The following DNAJC5G variants were observed in gnomAD, a reference collection of about 807,000 sequenced individuals.
DNAJC5G encodes dnaJ homolog subfamily C member 5G.
Under a neutral mutation model 19.1 loss-of-function variants are expected in DNAJC5G, and 13 were observed. That is an observed-to-expected ratio of 0.68 (90% CI 0.44 to 1.08). DNAJC5G has a LOEUF of 1.08. DNAJC5G is among the 50% of genes least tolerant of loss of function. The probability of loss-of-function intolerance (pLI) is 0.00; values close to 1 mark genes in which losing one functional copy is unlikely to be tolerated. For synonymous variants in DNAJC5G, 81 were observed against 84.4 expected (o/e 0.96, Z 0.22); for missense variants, 245 against 230.4 (o/e 1.06, Z -0.41).
At chr2:27,277,712 A>G (rs1043542218) in intron 3 of DNAJC5G, 42 bp from the exon 4 acceptor site, 13 of 1,610,538 alleles carry the variant, frequency 8.1e-6, no homozygotes, top group Non-Finnish European at 1.1e-5. Context: ...TGCACTCTCT[A>G]GAGACTAATC....
Position 27,280,847 on chromosome 2 carries a change from G to A in DNAJC5G, c.*437G>A, listed in dbSNP as rs963843517. 2 of 152,568 alleles carry A rather than the reference G, an allele frequency of 1.3e-5. No individual in the cohort carries two copies. Among genetic ancestry groups the A allele is most frequent in the African/African-American group, 2.4e-5 (1 of 41,398 alleles). The allele number at this position is 152,568 out of a possible 1,614,324, so 9.5% of individuals were successfully genotyped here. ...CAAGAGCCTGATAACTGAGCAGGGT[G>A]GATCCTGTCCCTGGAGCTGCTGCAC... On this transcript the variant is annotated 3_prime_UTR_variant, in exon 7 of 7. Transcript: ENST00000296097.
intron 3 of DNAJC5G, 116 bp downstream of exon 3, chr2:27,276,957 C>T (rs1475114374): frequency 1.1e-5 from 9 of 836,012 alleles, no homozygotes; most frequent in Admixed American, 9.6e-5. Flanking sequence ...GAGGAAGTCT[C>T]GTCCTGTCAC....
At chr2:27,278,512 C>T (rs538127510) in intron 5 of DNAJC5G, among the ~76,000 whole-genome samples, 180 bp downstream of exon 5, 44 of 151,116 alleles carry the variant, frequency 2.9e-4, no homozygotes, top group Non-Finnish European at 2.9e-4. Flanking sequence ...AAAACCCTGT[C>T]TCTACTAAAA....
intron 1 of DNAJC5G, 188 bp downstream of exon 1, chr2:27,275,741 T>C (rs556661439): frequency 6.3e-6 from 1 of 159,712 alleles, no homozygotes. Context: ...CTCTTCCTTC[T>C]CCAGCCTCTG....
chr2:27,278,683 C>CAAAAAAAAAAAA (rs1180058010), intron 5 of DNAJC5G, among the ~76,000 whole-genome samples: 1 of 26,730 alleles, frequency 3.7e-5, no homozygotes, highest in African/African-American at 1.4e-4. Context: ...GACTCCATCT[C>CAAAAAAAAAAAA]AAAAAAAAAA....
In DNAJC5G at chr2:27,276,114, C is replaced by G. The variant is rs914827183; in HGVS notation, c.-277C>G. 6.6e-6 allele frequency: 1 copy of G among 152,120 alleles called. No homozygotes were observed. 9.4% of individuals were successfully genotyped at this position (152,120 alleles called of 1,614,324 possible). On this transcript the variant is annotated 5_prime_UTR_variant, in exon 2 of 7. Transcript: ENST00000296097. ...CTCTACTAAAAACACAGAAAATTAG[C>G]CGGGCGTGGTGGCGTGCACCTGTAA...
At position 27,276,619 on chromosome 2, in the gene DNAJC5G, TA is replaced by T. The variant is rs565024612; in HGVS notation, c.-3-106del. ...TTATCCTTGTCCTTCTGTCATCGTT[TA>T]CCTGCCTAATCCCTGAAGGTAGTGA... On this transcript the variant is annotated intron_variant, in intron 2 of 6. Transcript: ENST00000296097. 2.5e-4 allele frequency: 223 copies of T among 884,328 alleles called. No individual in the cohort carries two copies. In the African/African-American group the frequency reaches 3.1e-3, roughly 12 times the overall value. 54.8% of individuals were successfully genotyped at this position (884,328 alleles called of 1,614,324 possible). A position where few individuals can be genotyped will look rare whatever the true frequency, so the allele number is the denominator to read the frequency against.
At chr2:27,276,997 A>G (rs558664740) in intron 3 of DNAJC5G, among the ~76,000 whole-genome samples, 156 bp downstream of exon 3, 2 of 147,450 alleles carry the variant, frequency 1.4e-5, no homozygotes, top group Admixed American at 6.9e-5. Flanking sequence ...TTGAGAGTGC[A>G]GTGGCACGAT....
At chr2:27,277,133 G>A (rs775969502) in intron 3 of DNAJC5G, among the ~76,000 whole-genome samples, 2 of 151,986 alleles carry the variant, frequency 1.3e-5, no homozygotes. Context: ...GTAGAGACAG[G>A]GTTTCGCCAT....
rs748485922 is a variant in DNAJC5G at position 27,278,292 on chromosome 2, A to C, written c.480A>C (p.Arg160Ser). The change falls in exon 5 of 7, where the codon AGA (arginine) becomes AGC (serine). Residue 160 changes from arginine (R) to serine (S), a missense_variant. Coordinates refer to ENST00000296097, the MANE Select transcript of DNAJC5G (RefSeq NM_173650.3). ...CACCACCTGAGCAGGATAGTGGGAG[A>C]AAATATCAGCAGAATGTCCAGAGTC... ...LKPPPEQDSG[R>S]KYQQNVQSQP... is the part of the protein sequence containing the mutation. 2 of 1,614,078 alleles carry C rather than the reference A, an allele frequency of 1.2e-6. No homozygotes were observed. Among genetic ancestry groups the C allele is most frequent in the African/African-American group, 2.7e-5 (2 of 74,924 alleles).
chr2:27,277,514 G>A (rs1225285843), intron 3 of DNAJC5G, among the ~76,000 whole-genome samples: 1 of 151,968 alleles, frequency 6.6e-6, no homozygotes, highest in African/African-American at 2.4e-5. Context: ...CGCCCACCTT[G>A]GCCTCCCAAA....
chr2:27,280,196 A>G lies in DNAJC5G; in HGVS notation c.551A>G (p.Asn184Ser), dbSNP rs1432676356. Reference protein sequence around the residue: ...GAKCDFRSEENSEDDF With the variant: ...GAKCDFRSEESSEDDF ...AAATGTGATTTTAGAAGCGAGGAAA[A>G]TAGCGAAGATGATTTTTAAGAGATG... The change falls in exon 6 of 7, where the codon AAT (asparagine) becomes AGT (serine). Residue 184 changes from asparagine to serine, a missense_variant. Asn to Ser is a conservative substitution (Grantham distance 46). Transcript: ENST00000296097. 3 of 1,613,980 alleles carry G rather than the reference A, an allele frequency of 1.9e-6. No individual in the cohort carries two copies. Among genetic ancestry groups the G allele is most frequent in the Non-Finnish European group, 2.5e-6 (3 of 1,179,988 alleles).
Position 27,276,821 on chromosome 2 carries a change from A to G in DNAJC5G, c.93A>G (p.Glu31=), listed in dbSNP as rs1285479959. 1 of 1,614,016 alleles carries G rather than the reference A, an allele frequency of 6.2e-7. No homozygotes were observed. Among genetic ancestry groups the G allele is most frequent in the Admixed American group, 1.7e-5 (1 of 60,002 alleles). The part of the protein sequence containing the change: ...VLDLKKGASP[E]DFKKSYSHSA... ...ATCTTAAGAAGGGCGCCTCACCTGA[A>G]GACTTCAAAAAATCCTACAGGTTCA... Residue 31 remains glutamate, a synonymous_variant, in exon 3 of 7, where the codon GAA becomes GAG. Transcript: ENST00000296097.
At chr2:27,278,683 CAAAAAAAAA>C (rs1180058010) in intron 5 of DNAJC5G, among the ~76,000 whole-genome samples, 1 of 26,738 alleles carries the variant, frequency 3.7e-5, no homozygotes, top group Non-Finnish European at 7.1e-5. Context: ...GACTCCATCT[CAAAAAAAAA>C]AAAAAAAAAA....
intron 5 of DNAJC5G, among the ~76,000 whole-genome samples, 200 bp downstream of exon 5, chr2:27,278,532 T>C (rs1185773238): frequency 6.7e-6 from 1 of 149,728 alleles, no homozygotes; most frequent in Non-Finnish European, 1.5e-5. Flanking sequence ...AATACAAAAA[T>C]TAGCTGGGCA....
intron 3 of DNAJC5G, 82 bp downstream of exon 3, chr2:27,276,923 CTTTTTTTT>C (rs574019537): frequency 6.0e-5 from 31 of 514,680 alleles, no homozygotes; most frequent in Middle Eastern, 5.5e-4. Flanking sequence ...CTATCTGACT[CTTTTTTTT>C]TTTTTTTTTT....
chr2:27,276,385 C>G lies in DNAJC5G; in HGVS notation c.-6C>G, dbSNP rs1041193697. 1.0e-5 allele frequency: 2 copies of G among 192,152 alleles called. No individual in the cohort carries two copies. The highest frequency in any genetic ancestry group is 2.1e-5 in the Non-Finnish European group (2 of 93,626). 11.9% of individuals were successfully genotyped at this position (192,152 alleles called of 1,614,324 possible). On this transcript the variant is annotated splice_region_variant and 5_prime_UTR_variant, in exon 2 of 7. Coordinates refer to ENST00000296097, the MANE Select transcript of DNAJC5G (RefSeq NM_173650.3). ...TGGACAGACCCAGAGGTGTTTACTC[C>G]AGGTAATAGGAGCTCTAGACAAAAT... is the stretch of plus-strand genomic sequence containing the variant.
intron 3 of DNAJC5G, 80 bp from the exon 4 acceptor site, chr2:27,277,674 C>T (rs1678165344): frequency 5.8e-6 from 9 of 1,559,656 alleles, no homozygotes; most frequent in South Asian, 1.2e-5. Context: ...TGCCTCCATC[C>T]TTTGTACCAC....
rs988939172 is a variant in DNAJC5G, at chr2:27,276,487, C to G, written c.-4+100C>G. 7.6e-5 allele frequency: 35 copies of G among 459,852 alleles called. No individual in the cohort carries two copies. In the South Asian group the frequency reaches 8.3e-4, roughly 11 times the overall value. 28.5% of individuals were successfully genotyped at this position (459,852 alleles called of 1,614,324 possible). A position where few individuals can be genotyped will look rare whatever the true frequency, so the allele number is the denominator to read the frequency against. ...GTGGGATATCTAGAGGTCTGTGTAG[C>G]TGGAGGATGCTGGGAAATGTGAGGA... On this transcript the variant is annotated intron_variant, in intron 2 of 6. Transcript: ENST00000296097.
Sources: allele counts gnomAD v4.1 joint callset (sites outside exome capture counted in the v4.1 genomes callset), GRCh38; gene constraint gnomAD v4.1.1; transcripts MANE v1.5; gene names NCBI Gene and HGNC (gene_info 2026-07-23, HGNC 2026-07-21).